Variants in RUNX2 observed in about 807,000 individuals in gnomAD.
The protein encoded by RUNX2 is RUNX family transcription factor 2.
In RUNX2, 10 loss-of-function variants were observed where a neutral mutation model predicts 51.7. The observed-to-expected ratio is 0.19, with a 90% CI of 0.12 to 0.33. The LOEUF (loss-of-function observed/expected upper bound fraction) is 0.33. Among genes scored for constraint, RUNX2 ranks in the 10% least tolerant of loss-of-function variants. The pLI, the probability that RUNX2 is intolerant of heterozygous loss-of-function variation, is 1.00. For missense variants in RUNX2, 562 were observed against 691.3 expected (o/e 0.81, Z 2.10); for synonymous variants, 276 against 273.6 (o/e 1.01, Z -0.09).
intron 2 of RUNX2, among the ~76,000 whole-genome samples, chr6:45,360,914 T>G (rs2150247826): frequency 6.6e-6 from 1 of 152,328 alleles, no homozygotes; most frequent in South Asian, 2.1e-4. Flanking sequence ...ATTTGTCTCC[T>G]TCTCTACTGC....
At chr6:45,367,116 G>A (rs1416854897) in intron 2 of RUNX2, among the ~76,000 whole-genome samples, 2 of 152,094 alleles carry the variant, frequency 1.3e-5, no homozygotes, top group African/African-American at 2.4e-5. Context: ...AAGCTTTTGA[G>A]AAGGCGACAG....
chr6:45,342,463 G>A (rs768351384), intron 2 of RUNX2, among the ~76,000 whole-genome samples: 3 of 152,076 alleles, frequency 2.0e-5, no homozygotes, highest in Non-Finnish European at 2.9e-5. Context: ...GTTTCAACAT[G>A]TTGGCCAGGA....
intron 5 of RUNX2, among the ~76,000 whole-genome samples, chr6:45,474,387 G>A (rs1582149743): frequency 1.2e-5 from 1 of 85,128 alleles, no homozygotes; most frequent in Non-Finnish European, 3.4e-5. Context: ...GTGTGTGTGT[G>A]TGTGTGTGTG....
intron 7 of RUNX2, among the ~76,000 whole-genome samples, chr6:45,521,415 A>T (rs1301944079): frequency 6.6e-6 from 1 of 152,226 alleles, no homozygotes; most frequent in Admixed American, 6.5e-5. Context: ...ATCTGTTTCC[A>T]GAACTTGCTG....
rs138138469 is a variant in RUNX2 at position 45,438,004 on chromosome 6, A to G, written c.638A>G (p.Tyr213Cys). 1.1e-5 allele frequency: 18 copies of G among 1,613,374 alleles called. No homozygotes were observed. In the African/African-American group the frequency reaches 2.1e-4, roughly 19 times the overall value. The change falls in exon 5 of 9, where the codon TAT becomes TGT. Residue 213 changes from tyrosine to cysteine, a missense_variant. Around this residue, in one of 5 missense-constraint regions of RUNX2, gnomAD observed 37 missense variants for 66.5 expected, o/e 0.56. Transcript: ENST00000647337. ...VFTNPPQVAT[Y>C]HRAIKVTVDG... ...ACAAATCCTCCCCAAGTAGCTACCT[A>G]TCACAGAGCAATTAAAGTTACAGTA...
intron 6 of RUNX2, among the ~76,000 whole-genome samples, chr6:45,511,909 A>T (rs956136041): frequency 6.6e-6 from 1 of 152,220 alleles, no homozygotes; most frequent in Non-Finnish European, 1.5e-5. Flanking sequence ...AATAAATATA[A>T]TTCCACTTTG....
chr6:45,474,977 C>T (rs564729055), intron 5 of RUNX2, among the ~76,000 whole-genome samples: 2 of 151,924 alleles, frequency 1.3e-5, no homozygotes, highest in East Asian at 3.9e-4. Context: ...GAAGCTTAAT[C>T]TCCGGGTGTG....
intron 6 of RUNX2, among the ~76,000 whole-genome samples, chr6:45,493,040 G>A (rs1800531440): frequency 6.6e-6 from 1 of 152,086 alleles, no homozygotes; most frequent in African/African-American, 2.4e-5. Context: ...TAGTAGTTAG[G>A]CTCGAATGTT....
chr6:45,474,977 C>G (rs564729055), intron 5 of RUNX2, among the ~76,000 whole-genome samples: 1 of 151,804 alleles, frequency 6.6e-6, no homozygotes, highest in Non-Finnish European at 1.5e-5. Context: ...GAAGCTTAAT[C>G]TCCGGGTGTG....
chr6:45,367,237 C>T (rs531384279), intron 2 of RUNX2, among the ~76,000 whole-genome samples: 4 of 152,206 alleles, frequency 2.6e-5, no homozygotes, highest in African/African-American at 9.6e-5. Context: ...AACCACTATA[C>T]CAAGAAGGCA....
intron 2 of RUNX2, chr6:45,421,875 G>A (rs1398630440): frequency 2.6e-5 from 4 of 152,280 alleles, no homozygotes; most frequent in Non-Finnish European, 5.9e-5. Context: ...GAGAGACAGG[G>A]GAGCTTTGCA....
At chr6:45,432,647 C>T (rs2150368559) in intron 4 of RUNX2, among the ~76,000 whole-genome samples, 1 of 152,172 alleles carries the variant, frequency 6.6e-6, no homozygotes, top group East Asian at 1.9e-4. Flanking sequence ...TAAGGATTCC[C>T]ATCATCTGAA....
At chr6:45,520,072 T>C (rs975628398) in intron 7 of RUNX2, among the ~76,000 whole-genome samples, 2 of 152,070 alleles carry the variant, frequency 1.3e-5, no homozygotes, top group African/African-American at 4.8e-5. Context: ...CCTCAGGTGA[T>C]CCACCTGCCT....
At chr6:45,516,849 G>A (rs1437452289) in intron 7 of RUNX2, among the ~76,000 whole-genome samples, 1 of 152,262 alleles carries the variant, frequency 6.6e-6, no homozygotes, top group Admixed American at 6.5e-5. Context: ...CTTTCAAAAT[G>A]TATTTTATAC....
chr6:45,512,471 T>C lies in RUNX2; in HGVS notation c.1021+64T>C, dbSNP rs544412609. 7.1e-5 allele frequency: 110 copies of C among 1,559,696 alleles called. No homozygotes were observed. The African/African-American group carries it at 1.3e-3, about 19-fold the overall frequency. ...AGGGGTCGGGGGGAGTGGGATGGGC[T>C]GAGCCTGTCTCATCCATGCTCACAG... On this transcript the variant is annotated intron_variant, in intron 7 of 8. Transcript: ENST00000647337.
At chr6:45,367,166 T>C (rs1302969376) in intron 2 of RUNX2, among the ~76,000 whole-genome samples, 1 of 152,114 alleles carries the variant, frequency 6.6e-6, no homozygotes, top group East Asian at 1.9e-4. Flanking sequence ...GCTAGGTGAC[T>C]AGGTTTGGAA....
intron 2 of RUNX2, among the ~76,000 whole-genome samples, chr6:45,349,027 G>T (rs1188816121): frequency 6.6e-6 from 1 of 152,188 alleles, no homozygotes; most frequent in Non-Finnish European, 1.5e-5. Flanking sequence ...TGAGTGGAAA[G>T]AGGTTTATAA....
In RUNX2 at chr6:45,422,749, AGGCGGCGGCGGCGGCTGC is replaced by A. The variant is rs11498192; in HGVS notation, c.243_260del (p.Ala84_Ala89del). On this transcript the variant is annotated inframe_deletion, in exon 3 of 9. Coordinates refer to ENST00000647337, the MANE Select transcript of RUNX2 (RefSeq NM_001024630.4). ...CAGCAACAGCAGCAGCAGCAGCAGG[AGGCGGCGGCGGCGGCTGC>A]GGCGGCGGCGGCGGCTGCGGCGGCG... The A allele has an allele frequency of 0.062, 94,171 of 1,529,834 alleles. 9,156 individuals carry two copies. The highest frequency in any genetic ancestry group is 0.069 in the Non-Finnish European group (78,298 of 1,142,154). 94.8% of individuals were successfully genotyped at this position (1,529,834 alleles called of 1,614,324 possible). A position where few individuals can be genotyped will look rare whatever the true frequency, so the allele number is the denominator to read the frequency against.
At chr6:45,441,995 C>T (rs1373861245) in intron 5 of RUNX2, among the ~76,000 whole-genome samples, 1 of 152,202 alleles carries the variant, frequency 6.6e-6, no homozygotes, top group East Asian at 1.9e-4. Context: ...ACACATCTGG[C>T]GTTGGCAGTT....
Sources: allele counts gnomAD v4.1 joint callset (sites outside exome capture counted in the v4.1 genomes callset), GRCh38; gene constraint gnomAD v4.1.1; regional missense constraint gnomAD v4.1.1; transcripts MANE v1.5; gene names NCBI Gene and HGNC (gene_info 2026-07-23, HGNC 2026-07-21).